PADI2: variants seen among roughly 807,000 people sequenced by gnomAD.
PADI2 encodes protein-arginine deiminase type-2.
Under a neutral mutation model 81.1 loss-of-function variants are expected in PADI2, and 70 were observed. The observed-to-expected ratio is 0.86, with a 90% CI of 0.71 to 1.05. PADI2 has a LOEUF of 1.05. Among genes scored for constraint, PADI2 ranks in the 50% least tolerant of loss-of-function variants. PADI2 has a pLI of 0.00. For synonymous variants in PADI2, 338 were observed against 358.0 expected (o/e 0.94, Z 0.63); for missense variants, 853 against 889.9 (o/e 0.96, Z 0.53).
In PADI2 at chr1:17,093,548, G is replaced by A. The variant is rs1930785516; in HGVS notation, c.529+19C>T. Reference sequence around the variant, plus strand: ...TCACTCCTCTCATCCTGCCCCCCAAGTGCAGGGCCTGCTGGCACCTTCCTT... The same window carrying A: ...TCACTCCTCTCATCCTGCCCCCCAAATGCAGGGCCTGCTGGCACCTTCCTT... On this transcript the variant is annotated intron_variant, in intron 5 of 15. Coordinates refer to ENST00000375486, the MANE Select transcript of PADI2 (RefSeq NM_007365.3). 6.7e-7 allele frequency: 1 copy of A among 1,483,238 alleles called. No individual in the cohort carries two copies. Among genetic ancestry groups the A allele is most frequent in the Non-Finnish European group, 9.4e-7 (1 of 1,061,456 alleles). The allele number at this position is 1,483,238 out of a possible 1,614,324, so 91.9% of individuals were successfully genotyped here.
chr1:17,113,234 A>G lies in PADI2; in HGVS notation c.92+6046T>C, dbSNP rs190708491. Among the ~76,000 whole-genome samples the G allele has an allele frequency of 4.3e-3, 635 of 147,896 alleles. 2 individuals carry two copies. Among genetic ancestry groups the G allele is most frequent in the Non-Finnish European group, 5.5e-3 (369 of 67,448 alleles). ...AATAAACTCAATACTAATACATAAC[A>G]ACTTACTGAGTATTTACTATTATTA... On this transcript the variant is annotated intron_variant, in intron 1 of 15. Transcript: ENST00000375486.
At chr1:17,079,169 A>G (rs928526562) in intron 11 of PADI2, 95 bp downstream of exon 11, 60 of 1,038,278 alleles carry the variant, frequency 5.8e-5, no homozygotes, top group African/African-American at 5.4e-4. Flanking sequence ...TCCCCCAGCC[A>G]CTTGCTCCAT....
At chr1:17,102,013 T>C (rs945937382) in intron 3 of PADI2, among the ~76,000 whole-genome samples, 1 of 152,062 alleles carries the variant, frequency 6.6e-6, no homozygotes. Context: ...CCCCTCCTCC[T>C]CCTCATCAAA....
intron 1 of PADI2, among the ~76,000 whole-genome samples, chr1:17,111,839 G>C (rs1931589942): frequency 6.6e-6 from 1 of 152,202 alleles, no homozygotes; most frequent in African/African-American, 2.4e-5. Context: ...CAAGCAACAG[G>C]ACAGCTTGCG....
At chr1:17,084,728 G>A (rs1219628055) in intron 7 of PADI2, 26 bp from the exon 8 acceptor site, 40 of 1,443,748 alleles carry the variant, frequency 2.8e-5, no homozygotes, top group Non-Finnish European at 3.6e-5. Flanking sequence ...AAGGCGTGGG[G>A]GATCAAAAGG....
chr1:17,118,157 G>A (rs2143809), intron 1 of PADI2, among the ~76,000 whole-genome samples: 84,039 of 151,832 alleles, frequency 0.55, 24,924 homozygotes, highest in East Asian at 0.87. Flanking sequence ...GGGGGCCTGG[G>A]AGAGGCAGGG....
At chr1:17,112,526 G>C (rs542554185) in intron 1 of PADI2, among the ~76,000 whole-genome samples, 5 of 146,236 alleles carry the variant, frequency 3.4e-5, no homozygotes, top group Middle Eastern at 3.6e-3. Context: ...AGGAGTCTGG[G>C]GGGGGGAGTC....
intron 13 of PADI2, among the ~76,000 whole-genome samples, chr1:17,072,317 C>T (rs920129054): frequency 2.6e-5 from 4 of 152,144 alleles, no homozygotes; most frequent in African/African-American, 9.7e-5. Context: ...AGCTACAAGC[C>T]GGATGTAATC....
intron 6 of PADI2, among the ~76,000 whole-genome samples, chr1:17,092,150 C>T (rs1930719671): frequency 6.6e-6 from 1 of 152,158 alleles, no homozygotes; most frequent in South Asian, 2.1e-4. Context: ...AAATGCCCTT[C>T]CTCCCCTGAT....
At chr1:17,104,766 C>T (rs573035003) in intron 2 of PADI2, 112 bp downstream of exon 2, 25 of 958,214 alleles carry the variant, frequency 2.6e-5, no homozygotes, top group Non-Finnish European at 3.5e-5. Context: ...TACTGCAGAA[C>T]TGAAAATGAC....
At chr1:17,106,985 T>C (rs1390011797) in intron 1 of PADI2, among the ~76,000 whole-genome samples, 1 of 132,906 alleles carries the variant, frequency 7.5e-6, no homozygotes, top group Non-Finnish European at 1.7e-5. Flanking sequence ...ATGAATTTGT[T>C]TTTAAGCCAC....
intron 1 of PADI2, among the ~76,000 whole-genome samples, chr1:17,113,276 TA>T (rs1348197307): frequency 3.3e-5 from 5 of 151,294 alleles, no homozygotes; most frequent in Admixed American, 1.3e-4. Flanking sequence ...TTATTATTAT[TA>T]TTATTATTAT....
Position 17,093,572 on chromosome 1 carries a change from T to C in PADI2, c.524A>G (p.Lys175Arg). Residue 175 changes from lysine to arginine, a missense_variant, in exon 5 of 16, where the codon AAG becomes AGG. Lys to Arg is a conservative substitution (Grantham distance 26). Transcript: ENST00000375486. ...AGTGCAGGGCCTGCTGGCACCTTCC[T>C]TGCTGTAGACCTTCTCATCACGGCA... ...EDCRDEKVYS[K>R]EDLKDMSQMI... 1 of 1,601,518 alleles carries C rather than the reference T, an allele frequency of 6.2e-7. No homozygotes were observed. Among genetic ancestry groups the C allele is most frequent in the Non-Finnish European group, 8.6e-7 (1 of 1,169,006 alleles).
intron 11 of PADI2, chr1:17,079,009 A>T: frequency 3.6e-6 from 1 of 274,436 alleles, no homozygotes; most frequent in Middle Eastern, 1.1e-3. Context: ...CAGCTGATTT[A>T]TAATCTCATT....
At chr1:17,113,727 C>T (rs878881759) in intron 1 of PADI2, among the ~76,000 whole-genome samples, 48 of 152,218 alleles carry the variant, frequency 3.2e-4, no homozygotes, top group African/African-American at 1.1e-3. Context: ...GTCCTGGGCT[C>T]TTGGGTCAAT....
intron 10 of PADI2, among the ~76,000 whole-genome samples, chr1:17,081,817 G>C (rs2295049): frequency 0.33 from 49,778 of 149,846 alleles, 8,592 homozygotes; most frequent in East Asian, 0.61. Context: ...AACAAACAAA[G>C]AAACAAAAAA....
intron 6 of PADI2, among the ~76,000 whole-genome samples, chr1:17,089,555 C>T (rs770344345): frequency 6.6e-6 from 1 of 152,172 alleles, no homozygotes; most frequent in Non-Finnish European, 1.5e-5. Context: ...CGTTCTAGTC[C>T]GTCTGCCGGC....
chr1:17,086,766 C>G (rs1930462998), intron 6 of PADI2, 67 bp from the exon 7 acceptor site: 2 of 1,400,754 alleles, frequency 1.4e-6, no homozygotes, highest in Non-Finnish European at 1.0e-6. Flanking sequence ...GGTGGGATCA[C>G]CGATGGGGAC....
chr1:17,116,685 CT>C (rs1931771820), intron 1 of PADI2, among the ~76,000 whole-genome samples: 1 of 152,158 alleles, frequency 6.6e-6, no homozygotes, highest in Non-Finnish European at 1.5e-5. Flanking sequence ...GACCTGAGTC[CT>C]GTGTGACTCT....
Sources: allele counts gnomAD v4.1 joint callset (sites outside exome capture counted in the v4.1 genomes callset), GRCh38; gene constraint gnomAD v4.1.1; transcripts MANE v1.5; gene names NCBI Gene and HGNC (gene_info 2026-07-23, HGNC 2026-07-21).